ZNF804B: variants seen among roughly 807,000 people sequenced by gnomAD.
ZNF804B encodes the protein zinc finger protein 804B.
Under a neutral mutation model 101.4 loss-of-function variants are expected in ZNF804B, and 80 were observed. The observed-to-expected ratio is 0.79, with a 90% CI of 0.66 to 0.95. ZNF804B has a LOEUF of 0.95. ZNF804B is among the 40% of genes least tolerant of loss of function. ZNF804B has a pLI of 0.00. For missense variants in ZNF804B, 1,673 were observed against 1,561.9 expected (o/e 1.07, Z -1.20); for synonymous variants, 622 against 558.8 (o/e 1.11, Z -1.59).
At chr7:89,131,815 A>T (rs1013242554) in intron 1 of ZNF804B, among the ~76,000 whole-genome samples, 1 of 152,006 alleles carries the variant, frequency 6.6e-6, no homozygotes, top group Non-Finnish European at 1.5e-5. Flanking sequence ...AGGAAGACTT[A>T]GGATTTGTCT....
chr7:88,912,419 A>C (rs1368962839), intron 1 of ZNF804B, among the ~76,000 whole-genome samples: 2 of 152,132 alleles, frequency 1.3e-5, no homozygotes, highest in Non-Finnish European at 2.9e-5. Flanking sequence ...GTTGGTGAGC[A>C]ACATTTTTTA....
intron 1 of ZNF804B, among the ~76,000 whole-genome samples, chr7:89,189,377 G>A (rs1788422808): frequency 6.6e-6 from 1 of 152,056 alleles, no homozygotes; most frequent in Non-Finnish European, 1.5e-5. Context: ...AGAAGCCAAG[G>A]CACAAAATAT....
intron 1 of ZNF804B, among the ~76,000 whole-genome samples, chr7:89,163,347 T>C (rs1403443263): frequency 6.6e-6 from 1 of 152,164 alleles, no homozygotes; most frequent in African/African-American, 2.4e-5. Flanking sequence ...TTTTGTTTGT[T>C]GAATGTCACT....
chr7:88,969,356 T>C (rs1978158), intron 1 of ZNF804B, among the ~76,000 whole-genome samples: 107,993 of 151,420 alleles, frequency 0.71, 39,392 homozygotes, highest in African/African-American at 0.88. Flanking sequence ...GTATAAGAAA[T>C]TGATGAGTAT....
At chr7:88,862,645 G>A (rs1562815608) in intron 1 of ZNF804B, among the ~76,000 whole-genome samples, 1 of 152,108 alleles carries the variant, frequency 6.6e-6, no homozygotes, top group East Asian at 1.9e-4. Context: ...TGTAATTTTT[G>A]CATGGTATTG....
Position 89,208,079 on chromosome 7 carries a change from TG to T in ZNF804B, c.109-10073del, listed in dbSNP as rs367544433. Among the ~76,000 whole-genome samples, 174 of 134,704 alleles carry T rather than the reference TG, an allele frequency of 1.3e-3. 12 individuals are homozygous for T. The highest frequency in any genetic ancestry group is 2.3e-3 in the African/African-American group (87 of 37,598). The allele number at this position is 134,704 out of a possible 152,430, so 88.4% of individuals were successfully genotyped here. A position where few individuals can be genotyped will look rare whatever the true frequency, so the allele number is the denominator to read the frequency against. ...ATGTGTGTTATATTTACTATTTTAT[TG>T]GGTTTTTTTTTTTTTTTTTGAGACA... On this transcript the variant is annotated intron_variant, in intron 1 of 3. Coordinates refer to ENST00000333190, the MANE Select transcript of ZNF804B (RefSeq NM_181646.5).
chr7:88,999,702 A>AT (rs1387465252), intron 1 of ZNF804B, among the ~76,000 whole-genome samples: 2 of 151,998 alleles, frequency 1.3e-5, no homozygotes, highest in African/African-American at 4.8e-5. Flanking sequence ...ATGTAAAAAT[A>AT]TTTTTTCATT....
chr7:89,236,015 C>T (rs1789273149), intron 2 of ZNF804B, among the ~76,000 whole-genome samples: 1 of 151,940 alleles, frequency 6.6e-6, no homozygotes, highest in Non-Finnish European at 1.5e-5. Context: ...AAGTTGGCTC[C>T]CAAATTTTTG....
intron 1 of ZNF804B, among the ~76,000 whole-genome samples, chr7:88,771,672 A>G (rs941086364): frequency 1.3e-5 from 2 of 152,148 alleles, no homozygotes; most frequent in African/African-American, 4.8e-5. Context: ...TTAGGCACAA[A>G]TGAATGGATT....
intron 1 of ZNF804B, among the ~76,000 whole-genome samples, chr7:89,037,801 C>T (rs1367401461): frequency 6.6e-6 from 1 of 152,080 alleles, no homozygotes; most frequent in East Asian, 1.9e-4. Context: ...CCAACTCTTC[C>T]CACTTCCCCT....
chr7:88,908,000 C>G lies in ZNF804B; in HGVS notation c.108+147916C>G, dbSNP rs183915709. On this transcript the variant is annotated intron_variant, in intron 1 of 3. Coordinates refer to ENST00000333190, the MANE Select transcript of ZNF804B (RefSeq NM_181646.5). ...AATTAGAAGCTTGGGAACAAGCATT[C>G]TTGCTGAGATTCCTTAGTTAGTCAG... Among the ~76,000 whole-genome samples the G allele has an allele frequency of 2.7e-3, 413 of 151,974 alleles. 3 individuals carry two copies. Among genetic ancestry groups the G allele is most frequent in the Non-Finnish European group, 3.7e-3 (253 of 67,780 alleles).
At chr7:89,051,969 C>T (rs765630014) in intron 1 of ZNF804B, among the ~76,000 whole-genome samples, 8 of 151,962 alleles carry the variant, frequency 5.3e-5, no homozygotes, top group Non-Finnish European at 1.2e-4. Context: ...CACATTTTCC[C>T]CTTGTGATTT....
intron 1 of ZNF804B, among the ~76,000 whole-genome samples, chr7:89,085,260 A>T (rs1000563886): frequency 4.6e-5 from 7 of 151,892 alleles, no homozygotes; most frequent in African/African-American, 1.7e-4. Context: ...ACACTTCAAG[A>T]TTTATTACAG....
At chr7:88,760,911 TAATA>T (rs1381731039) in intron 1 of ZNF804B, among the ~76,000 whole-genome samples, 3 of 141,534 alleles carry the variant, frequency 2.1e-5, no homozygotes, top group Non-Finnish European at 3.0e-5. Context: ...AATATATATA[TAATA>T]AATATATATA....
At chr7:89,331,955 T>G (rs1790991047) in intron 3 of ZNF804B, among the ~76,000 whole-genome samples, 1 of 151,508 alleles carries the variant, frequency 6.6e-6, no homozygotes, top group African/African-American at 2.4e-5. Flanking sequence ...TCACCCAAAT[T>G]AATCAACCTT....
At chr7:88,863,089 C>T (rs915714855) in intron 1 of ZNF804B, among the ~76,000 whole-genome samples, 1 of 152,218 alleles carries the variant, frequency 6.6e-6, no homozygotes, top group African/African-American at 2.4e-5. Context: ...CTAGCTTCAT[C>T]TTGTACTACT....
intron 2 of ZNF804B, among the ~76,000 whole-genome samples, chr7:89,326,314 C>T (rs1252339039): frequency 6.6e-6 from 1 of 151,946 alleles, no homozygotes; most frequent in Non-Finnish European, 1.5e-5. Context: ...AGTTATCTCA[C>T]CACTGTCTAC....
At chr7:88,868,018 A>G (rs576870908) in intron 1 of ZNF804B, among the ~76,000 whole-genome samples, 8 of 150,558 alleles carry the variant, frequency 5.3e-5, no homozygotes, top group African/African-American at 9.8e-5. Context: ...TAAATGTGCA[A>G]TATTCATAAT....
intron 1 of ZNF804B, among the ~76,000 whole-genome samples, chr7:89,027,761 T>C (rs1322233638): frequency 6.6e-6 from 1 of 152,120 alleles, no homozygotes; most frequent in Non-Finnish European, 1.5e-5. Context: ...GGCCCTAAAA[T>C]CTAGAGATCA....
Sources: allele counts gnomAD v4.1 joint callset (sites outside exome capture counted in the v4.1 genomes callset), GRCh38; gene constraint gnomAD v4.1.1; transcripts MANE v1.5; gene names NCBI Gene and HGNC (gene_info 2026-07-23, HGNC 2026-07-21).